OPCML: variants seen among roughly 807,000 people sequenced by gnomAD.
OPCML encodes opioid-binding protein/cell adhesion molecule.
In OPCML, 13 loss-of-function variants were observed where a neutral mutation model predicts 37.8. The observed-to-expected ratio is 0.34, with a 90% CI of 0.22 to 0.55. OPCML has a LOEUF of 0.55. Among genes scored for constraint, OPCML ranks in the 20% least tolerant of loss-of-function variants. The probability of loss-of-function intolerance (pLI) is 0.91; values close to 1 mark genes in which losing one functional copy is unlikely to be tolerated. For synonymous variants in OPCML, 176 were observed against 168.8 expected (o/e 1.04, Z -0.33); for missense variants, 341 against 435.6 (o/e 0.78, Z 1.93).
intron 2 of OPCML, among the ~76,000 whole-genome samples, chr11:132,733,593 G>A (rs373194910): frequency 4.6e-5 from 7 of 152,308 alleles, no homozygotes; most frequent in Admixed American, 3.3e-4. Context: ...TTGAGGTTCA[G>A]CTGGAGCTAG....
intron 1 of OPCML, among the ~76,000 whole-genome samples, chr11:133,215,919 C>G (rs912132052): frequency 6.6e-6 from 1 of 152,170 alleles, no homozygotes; most frequent in Non-Finnish European, 1.5e-5. Context: ...TTACCCATTT[C>G]CTCAGAATGT....
chr11:132,715,277 G>A (rs2135961407), intron 2 of OPCML, among the ~76,000 whole-genome samples: 1 of 152,318 alleles, frequency 6.6e-6, no homozygotes, highest in African/African-American at 2.4e-5. Context: ...CATCTACTAT[G>A]TACCAAGTGT....
chr11:132,974,612 G>C (rs961336897), intron 1 of OPCML, among the ~76,000 whole-genome samples: 1 of 152,166 alleles, frequency 6.6e-6, no homozygotes, highest in African/African-American at 2.4e-5. Context: ...CAAGGATCTA[G>C]AACCAGAAAT....
At chr11:133,476,400 T>C (rs1350397949) in intron 1 of OPCML, among the ~76,000 whole-genome samples, 6 of 151,956 alleles carry the variant, frequency 3.9e-5, no homozygotes, top group Admixed American at 3.9e-4. Context: ...TAGTTTTTTT[T>C]TTTTCTGATC....
At chr11:132,459,429 ATAC>A (rs2096093222) in intron 4 of OPCML, among the ~76,000 whole-genome samples, 1 of 150,108 alleles carries the variant, frequency 6.7e-6, no homozygotes, top group Non-Finnish European at 1.5e-5. Flanking sequence ...ACATACATAC[ATAC>A]ATACATACAT....
intron 2 of OPCML, among the ~76,000 whole-genome samples, chr11:132,799,903 A>T (rs370743458): frequency 6.6e-6 from 1 of 152,162 alleles, no homozygotes; most frequent in East Asian, 1.9e-4. Context: ...CATTTCGGCT[A>T]TTCTGGGCCC....
intron 1 of OPCML, among the ~76,000 whole-genome samples, chr11:133,219,665 C>A (rs975302933): frequency 5.3e-5 from 8 of 152,112 alleles, no homozygotes; most frequent in African/African-American, 1.9e-4. Context: ...TGCTGCCTGC[C>A]CAAGGACTTC....
At chr11:133,439,951 T>C (rs1393917102) in intron 1 of OPCML, among the ~76,000 whole-genome samples, 6 of 152,214 alleles carry the variant, frequency 3.9e-5, no homozygotes, top group East Asian at 3.8e-4. Context: ...TAACTAGATA[T>C]GATAATAGAT....
At chr11:133,387,347 G>A (rs75943280) in intron 1 of OPCML, among the ~76,000 whole-genome samples, 3,959 of 152,222 alleles carry the variant, frequency 0.026, 167 homozygotes, top group African/African-American at 0.088. Context: ...GGTCCTTAAG[G>A]AAAAGGAGGA....
chr11:132,610,304 G>C (rs975540001), intron 3 of OPCML, among the ~76,000 whole-genome samples: 1 of 152,146 alleles, frequency 6.6e-6, no homozygotes, highest in African/African-American at 2.4e-5. Flanking sequence ...AAAGCCACTG[G>C]AGAAGACACA....
At chr11:132,757,455 A>G (rs925982203) in intron 2 of OPCML, among the ~76,000 whole-genome samples, 1 of 152,188 alleles carries the variant, frequency 6.6e-6, no homozygotes, top group Non-Finnish European at 1.5e-5. Flanking sequence ...CATCCTCTCC[A>G]GCATCCGTTG....
Position 132,727,795 on chromosome 11 carries a change from A to T in OPCML, c.147-70476T>A, listed in dbSNP as rs1244776898. On this transcript the variant is annotated intron_variant, in intron 2 of 7. Transcript: ENST00000524381. ...CCTATGAAATTATCTCCTGAGGAGG[A>T]TTAGTTCCCTATTCTAAAAAATTTC... is the stretch of plus-strand genomic sequence containing the variant. 2.6e-5 allele frequency among the ~76,000 whole-genome samples: 4 copies of T among 152,192 alleles called. No individual in the cohort carries two copies. In the East Asian group the frequency reaches 7.7e-4, roughly 29 times the overall value.
chr11:132,968,760 T>C (rs535180198), intron 1 of OPCML, among the ~76,000 whole-genome samples: 1 of 152,316 alleles, frequency 6.6e-6, no homozygotes, highest in South Asian at 2.1e-4. Flanking sequence ...TTTGTTGTTG[T>C]TGATTCTTTC....
chr11:132,741,050 A>G (rs1446344853), intron 2 of OPCML, among the ~76,000 whole-genome samples: 1 of 152,186 alleles, frequency 6.6e-6, no homozygotes, highest in East Asian at 1.9e-4. Flanking sequence ...CAGAGGGTGC[A>G]GTATCCTATT....
chr11:133,047,945 G>T (rs1948052478), intron 1 of OPCML, among the ~76,000 whole-genome samples: 1 of 152,116 alleles, frequency 6.6e-6, no homozygotes, highest in Admixed American at 6.5e-5. Context: ...TATGGCCAGG[G>T]CACTGCGAGA....
At chr11:133,166,153 A>G (rs1227993830) in intron 1 of OPCML, among the ~76,000 whole-genome samples, 2 of 152,052 alleles carry the variant, frequency 1.3e-5, no homozygotes, top group Admixed American at 1.3e-4. Context: ...TGCTTTGGGG[A>G]AAAAAATATA....
chr11:132,911,887 G>T (rs6590661), intron 2 of OPCML, among the ~76,000 whole-genome samples: 36,350 of 152,080 alleles, frequency 0.24, 7,441 homozygotes, highest in African/African-American at 0.55. Context: ...GTCACCCAGG[G>T]ACACACAGGA....
intron 1 of OPCML, among the ~76,000 whole-genome samples, chr11:133,107,083 ACTCT>A (rs1350735021): frequency 2.0e-5 from 3 of 152,122 alleles, no homozygotes; most frequent in African/African-American, 7.2e-5. Context: ...TCAACAGGGA[ACTCT>A]CTCTAGCCCC....
intron 2 of OPCML, among the ~76,000 whole-genome samples, chr11:132,833,740 T>C (rs1202259637): frequency 6.6e-6 from 1 of 152,194 alleles, no homozygotes; most frequent in East Asian, 1.9e-4. Flanking sequence ...CACTAGGCCA[T>C]AGGAATTTTT....
Sources: gnomAD v4.1 joint callset for allele counts (sites outside exome capture counted in the v4.1 genomes callset) on GRCh38, gnomAD v4.1.1 for gene constraint, MANE v1.5 for transcripts, NCBI Gene and HGNC (gene_info 2026-07-23, HGNC 2026-07-21) for gene names.